Variants in PCDHA3 observed in about 807,000 individuals in gnomAD.
PCDHA3 encodes the protein protocadherin alpha 3.
Under a neutral mutation model 62.2 loss-of-function variants are expected in PCDHA3, and 41 were observed. That is an observed-to-expected ratio of 0.66 (90% CI 0.51 to 0.86). The LOEUF (loss-of-function observed/expected upper bound fraction) is 0.86, where lower values mean the gene tolerates loss of function less well. Among genes scored for constraint, PCDHA3 ranks in the 40% least tolerant of loss-of-function variants. The pLI is 0.00. For synonymous variants in PCDHA3, 640 were observed against 555.4 expected, an observed-to-expected ratio of 1.15 and a Z score of -2.14; for missense variants, 1,304 against 1,241.2, an observed-to-expected ratio of 1.05 and a Z score of -0.76.
intron 1 of PCDHA3, among the ~76,000 whole-genome samples, chr5:140,945,439 A>G (rs1291434553): frequency 6.6e-6 from 1 of 152,188 alleles, no homozygotes; most frequent in Non-Finnish European, 1.5e-5. Flanking sequence ...TTACAGAAAT[A>G]TAAAAAACTT....
At chr5:140,928,309 G>C in intron 1 of PCDHA3, 1 of 1,614,124 alleles carries the variant, frequency 6.2e-7, no homozygotes, top group Non-Finnish European at 8.5e-7. Flanking sequence ...CCAGGACCCC[G>C]ACCTGGGGAA....
In PCDHA3 at chr5:140,876,309, T is replaced by G. The variant is rs868927753; in HGVS notation, c.2394+72718T>G. On this transcript the variant is annotated intron_variant, in intron 1 of 3. Transcript: ENST00000522353. ...AAGGACTTAATGGAGAAATTTCCTATGGGATCAAAATGATTTTGCCAGTGA... is the reference window on the plus strand; with the variant it reads ...AAGGACTTAATGGAGAAATTTCCTAGGGGATCAAAATGATTTTGCCAGTGA... The G allele has an allele frequency of 6.2e-6, 10 of 1,614,064 alleles. No homozygotes were observed. The Admixed American group carries it at 1.7e-4, about 27-fold the overall frequency.
chr5:140,902,953 C>G (rs549407032), intron 1 of PCDHA3, among the ~76,000 whole-genome samples: 1 of 152,162 alleles, frequency 6.6e-6, no homozygotes, highest in East Asian at 1.9e-4. Context: ...TCTTTATCCA[C>G]TTGTTGGCTG....
intron 3 of PCDHA3, 123 bp downstream of exon 3, chr5:140,982,686 C>T: frequency 2.8e-6 from 4 of 1,418,870 alleles, no homozygotes; most frequent in Non-Finnish European, 3.7e-6. Context: ...TCCCTTTTTT[C>T]CATACATACA....
chr5:140,831,488 T>TGG (rs60766535), intron 1 of PCDHA3, among the ~76,000 whole-genome samples: 58 of 148,696 alleles, frequency 3.9e-4, no homozygotes, highest in African/African-American at 1.2e-3. Context: ...GCCTCTGGAG[T>TGG]TACTACACAC....
chr5:140,958,546 C>A (rs1366018855), intron 1 of PCDHA3, among the ~76,000 whole-genome samples: 3 of 152,034 alleles, frequency 2.0e-5, no homozygotes, highest in Non-Finnish European at 4.4e-5. Context: ...ATTTATGAAC[C>A]AATAAATGTT....
intron 3 of PCDHA3, among the ~76,000 whole-genome samples, chr5:141,005,572 C>T (rs548748234): frequency 4.6e-5 from 7 of 151,094 alleles, no homozygotes; most frequent in East Asian, 1.9e-4. Context: ...CATGGTGGCG[C>T]GTGCCTGTAG....
chr5:140,985,532 G>A (rs1358120172), intron 3 of PCDHA3, among the ~76,000 whole-genome samples: 2 of 152,190 alleles, frequency 1.3e-5, no homozygotes, highest in African/African-American at 4.8e-5. Context: ...AAAGCTTCAC[G>A]GTGAAGATGC....
At chr5:140,814,251 T>C (rs1765470466) in intron 1 of PCDHA3, 1 of 152,578 alleles carries the variant, frequency 6.6e-6, no homozygotes, top group African/African-American at 2.4e-5. Flanking sequence ...AATGAAGATA[T>C]AAACACCCAT....
chr5:140,829,126 T>C (rs1770118219), intron 1 of PCDHA3: 2 of 1,612,444 alleles, frequency 1.2e-6, no homozygotes, highest in African/African-American at 1.3e-5. Flanking sequence ...ATAAAAATGA[T>C]AACGTCCCTG....
At chr5:140,804,422 AT>A (rs1554123073) in intron 1 of PCDHA3, 1 of 152,064 alleles carries the variant, frequency 6.6e-6, no homozygotes, top group African/African-American at 2.4e-5. Context: ...TTATATATTC[AT>A]TTTAAAAGAA....
intron 1 of PCDHA3, among the ~76,000 whole-genome samples, chr5:140,878,322 T>C (rs2057540228): frequency 6.6e-6 from 1 of 152,228 alleles, no homozygotes; most frequent in Non-Finnish European, 1.5e-5. Context: ...CATTTTCACA[T>C]TATATTCCAG....
rs189785800 is a variant in PCDHA3 at position 141,012,340 on chromosome 5, G to A, written c.*2403G>A. ...TTATTGCTAATAAATGAAAATGGTG[G>A]TATGAAAGAAATGGTGGTCATTTCT... On this transcript the variant is annotated 3_prime_UTR_variant, in exon 4 of 4. Transcript: ENST00000522353. The A allele has an allele frequency of 3.6e-4, 55 of 153,812 alleles. No homozygotes were observed. The East Asian group carries it at 9.6e-3, about 27-fold the overall frequency. 9.5% of individuals were successfully genotyped at this position (153,812 alleles called of 1,614,324 possible).
intron 1 of PCDHA3, chr5:140,856,914 G>A (rs1554149290): frequency 1.3e-6 from 2 of 1,596,230 alleles, no homozygotes; most frequent in East Asian, 4.5e-5. Flanking sequence ...CCCACGATAA[G>A]AAGGAAATTT....
chr5:140,809,043 G>T (rs1311161177), intron 1 of PCDHA3: 3 of 1,613,738 alleles, frequency 1.9e-6, no homozygotes, highest in East Asian at 2.2e-5. Context: ...GGTGGCGCGC[G>T]CATCCCGTTC....
chr5:140,869,604 AT>A, intron 1 of PCDHA3: 1 of 1,614,062 alleles, frequency 6.2e-7, no homozygotes, highest in Admixed American at 1.7e-5. Context: ...AGAATGCTCT[AT>A]TGACCTACAG....
At chr5:140,900,425 G>T (rs577250354) in intron 1 of PCDHA3, among the ~76,000 whole-genome samples, 1 of 152,236 alleles carries the variant, frequency 6.6e-6, no homozygotes, top group African/African-American at 2.4e-5. Context: ...TTATAGGCAC[G>T]TGCCACCACG....
In PCDHA3 at chr5:141,010,472, A is replaced by G. The variant is rs2098417397; in HGVS notation, c.*535A>G. ...AGCGGAAGTTATCAGTATGGAGGGG[A>G]AGTGTAAACTTAAAGGGACCAGACT... On this transcript the variant is annotated 3_prime_UTR_variant, in exon 4 of 4. Transcript: ENST00000522353. The G allele has an allele frequency of 1.3e-6, 1 of 762,088 alleles. No homozygotes were observed. Among genetic ancestry groups the G allele is most frequent in the African/African-American group, 1.8e-5 (1 of 56,688 alleles). 47.2% of individuals were successfully genotyped at this position (762,088 alleles called of 1,614,324 possible).
chr5:140,866,367 C>T (rs1375421273), intron 1 of PCDHA3: 1 of 152,082 alleles, frequency 6.6e-6, no homozygotes, highest in African/African-American at 2.4e-5. Flanking sequence ...ATATTGCATA[C>T]TTCAATAACA....
Sources: allele counts gnomAD v4.1 joint callset (sites outside exome capture counted in the v4.1 genomes callset), GRCh38; gene constraint gnomAD v4.1.1; transcripts MANE v1.5; gene names NCBI Gene and HGNC (gene_info 2026-07-23, HGNC 2026-07-21).